Variants in TOR1AIP1 observed in about 807,000 individuals in gnomAD.
TOR1AIP1 encodes torsin 1A interacting protein 1.
TOR1AIP1 carries 54 observed loss-of-function variants against 63.3 expected under a neutral mutation model. The observed-to-expected ratio is 0.85, with a 90% confidence interval of 0.69 to 1.07. TOR1AIP1 has a LOEUF of 1.07. TOR1AIP1 is among the 50% of genes least tolerant of loss of function. The pLI is 0.00. For synonymous variants in TOR1AIP1, 294 were observed against 273.5 expected (o/e 1.07, Z -0.74); for missense variants, 736 against 715.0 (o/e 1.03, Z -0.33).
chr1:179,914,077 T>A (rs763970775), intron 9 of TOR1AIP1, 23 bp downstream of exon 9: 2 of 1,603,526 alleles, frequency 1.2e-6, no homozygotes, highest in South Asian at 2.2e-5. Flanking sequence ...ATTCAGTTTT[T>A]ATTAAATATT....
chr1:179,907,236 G>A (rs1199817986), intron 6 of TOR1AIP1, among the ~76,000 whole-genome samples: 1 of 151,166 alleles, frequency 6.6e-6, no homozygotes, highest in Non-Finnish European at 1.5e-5. Flanking sequence ...AGACCAGCCT[G>A]GCCAACATGG....
intron 5 of TOR1AIP1, among the ~76,000 whole-genome samples, chr1:179,902,115 T>A (rs555580786): frequency 2.1e-5 from 3 of 144,542 alleles, no homozygotes; most frequent in African/African-American, 7.7e-5. Flanking sequence ...AGCCTCTGCC[T>A]CCTGGGTTCA....
chr1:179,907,027 G>A (rs1236051272), intron 6 of TOR1AIP1, among the ~76,000 whole-genome samples: 3 of 150,766 alleles, frequency 2.0e-5, no homozygotes, highest in African/African-American at 4.9e-5. Context: ...ATGAGCCACC[G>A]CATCCAGCTG....
intron 2 of TOR1AIP1, among the ~76,000 whole-genome samples, chr1:179,886,973 A>G (rs568106238): frequency 6.6e-6 from 1 of 152,356 alleles, no homozygotes; most frequent in South Asian, 2.1e-4. Flanking sequence ...TACAAGTTTA[A>G]GGTAAAGATA....
chr1:179,890,260 A>G (rs1396879943), intron 3 of TOR1AIP1, among the ~76,000 whole-genome samples: 1 of 152,176 alleles, frequency 6.6e-6, no homozygotes, highest in Non-Finnish European at 1.5e-5. Context: ...AAGACACTCC[A>G]AGCAGTCTAC....
At chr1:179,892,642 G>T (rs1223641779) in intron 3 of TOR1AIP1, among the ~76,000 whole-genome samples, 1 of 151,688 alleles carries the variant, frequency 6.6e-6, no homozygotes, top group African/African-American at 2.4e-5. Flanking sequence ...GGAGGCTGAG[G>T]CAGGAGAATG....
At position 179,884,671 on chromosome 1, in the gene TOR1AIP1, CTT is replaced by C. The variant is rs768088209; in HGVS notation, c.476-20_476-19del. 8.8e-6 allele frequency: 14 copies of C among 1,590,734 alleles called. No individual in the cohort carries two copies. Among genetic ancestry groups the C allele is most frequent in the Non-Finnish European group, 1.2e-5 (14 of 1,169,110 alleles). On this transcript the variant is annotated intron_variant, in intron 1 of 9. Coordinates refer to ENST00000606911, the MANE Select transcript of TOR1AIP1 (RefSeq NM_015602.4). The stretch of plus-strand genomic sequence containing the variant: ...AGGTCATATATTCTGAATTTTAACT[CTT>C]GTTATGTCTGTTTTTTAGAGGATGA...
intron 3 of TOR1AIP1, among the ~76,000 whole-genome samples, chr1:179,899,046 T>C (rs79575292): frequency 0.052 from 7,895 of 152,218 alleles, 310 homozygotes; most frequent in Non-Finnish European, 0.068. Flanking sequence ...AAAATAAATA[T>C]TTTCAAATTC....
At chr1:179,893,559 G>A (rs1319302092) in intron 3 of TOR1AIP1, among the ~76,000 whole-genome samples, 2 of 152,066 alleles carry the variant, frequency 1.3e-5, no homozygotes, top group Non-Finnish European at 2.9e-5. Flanking sequence ...TCCTGCCTCA[G>A]CCTCCCAAGT....
rs908405687 is a variant in TOR1AIP1, at chr1:179,908,540, A to C, written c.839-65A>C. On this transcript the variant is annotated intron_variant, in intron 7 of 9. Transcript: ENST00000606911. ...CTTTCTGATAGATTAATTTTATAAC[A>C]CTGGAATATGGTATAAACTTTCAAA... The C allele has an allele frequency of 9.2e-6, 12 of 1,303,276 alleles. No homozygotes were observed. The African/African-American group carries it at 1.8e-4, about 19-fold the overall frequency. The allele number at this position is 1,303,276 out of a possible 1,614,324, so 80.7% of individuals were successfully genotyped here.
At chr1:179,904,132 A>G in intron 6 of TOR1AIP1, 110 bp downstream of exon 6, 1 of 778,038 alleles carries the variant, frequency 1.3e-6, no homozygotes, top group Non-Finnish European at 2.0e-6. Context: ...AAGAGGAATA[A>G]TGAATGCTAA....
At chr1:179,893,269 A>C (rs1298477) in intron 3 of TOR1AIP1, among the ~76,000 whole-genome samples, 84,442 of 146,094 alleles carry the variant, frequency 0.58, 24,526 homozygotes, top group East Asian at 0.71. Context: ...AACAAACAAA[A>C]AAAAAAAAGT....
At chr1:179,884,511 T>A (rs911278488) in intron 1 of TOR1AIP1, among the ~76,000 whole-genome samples, 181 bp from the exon 2 acceptor site, 1 of 134,234 alleles carries the variant, frequency 7.4e-6, no homozygotes, top group African/African-American at 2.9e-5. Context: ...CATTGTATTC[T>A]GTCTCAAGAG....
intron 8 of TOR1AIP1, chr1:179,913,571 T>G: frequency 1.4e-6 from 1 of 702,354 alleles, no homozygotes; most frequent in Non-Finnish European, 2.6e-6. Flanking sequence ...GTCCTTATTT[T>G]CCCCCTCTTT....
At chr1:179,883,003 C>A in intron 1 of TOR1AIP1, 26 bp downstream of exon 1, 1 of 1,587,612 alleles carries the variant, frequency 6.3e-7, no homozygotes, top group Non-Finnish European at 8.6e-7. Flanking sequence ...GTAACAGTCC[C>A]AGCCGCGAGC....
At chr1:179,911,009 G>A (rs574384438) in intron 8 of TOR1AIP1, among the ~76,000 whole-genome samples, 1 of 152,198 alleles carries the variant, frequency 6.6e-6, no homozygotes, top group Non-Finnish European at 1.5e-5. Flanking sequence ...TTTCTACTTT[G>A]TCTTAAGTTA....
chr1:179,908,558 C>T (rs186347670), intron 7 of TOR1AIP1, 47 bp from the exon 8 acceptor site: 3 of 1,509,030 alleles, frequency 2.0e-6, no homozygotes, highest in Non-Finnish European at 1.8e-6. Context: ...ATGGTATAAA[C>T]TTTCAAAGTA....
intron 3 of TOR1AIP1, among the ~76,000 whole-genome samples, chr1:179,896,545 CT>C (rs879540960): frequency 1.3e-3 from 190 of 143,600 alleles, no homozygotes; most frequent in Non-Finnish European, 1.2e-3. Flanking sequence ...GTTTACAAAT[CT>C]TTTTTTTTTT....
chr1:179,884,712 A>G lies in TOR1AIP1; in HGVS notation c.496A>G (p.Thr166Ala), dbSNP rs370669564. 8 of 1,611,138 alleles carry G rather than the reference A, an allele frequency of 5.0e-6. No individual in the cohort carries two copies. The Admixed American group carries it at 1.3e-4, about 27-fold the overall frequency. The stretch of plus-strand genomic sequence containing the variant: ...TTTAGAGGATGAAGCATCTTCCCAA[A>G]CTGATTTAAGCCAAACGATCTCAAA... ...SSEEDEASSQ[T>A]DLSQTISKKT... Residue 166 changes from threonine (T) to alanine (A), a missense_variant, in exon 2 of 10, where the codon ACT (threonine) becomes GCT (alanine). Transcript: ENST00000606911.
Sources: gnomAD v4.1 joint callset for allele counts (sites outside exome capture counted in the v4.1 genomes callset) on GRCh38, gnomAD v4.1.1 for gene constraint, MANE v1.5 for transcripts, NCBI Gene and HGNC (gene_info 2026-07-23, HGNC 2026-07-21) for gene names.